The following TRPM6 variants were observed in gnomAD, a reference collection of about 807,000 sequenced individuals.
TRPM6 encodes the protein channel kinase 2.
In TRPM6, 111 loss-of-function variants were observed where a neutral mutation model predicts 247.6. The observed-to-expected ratio is 0.45, with a 90% CI of 0.38 to 0.52. The LOEUF is 0.52. TRPM6 is among the 20% of genes least tolerant of loss of function. The probability of loss-of-function intolerance (pLI) is 0.00; values close to 1 mark genes in which losing one functional copy is unlikely to be tolerated. For missense variants in TRPM6, 2,126 were observed against 2,421.5 expected, an observed-to-expected ratio of 0.88 and a Z score of 2.56; for synonymous variants, 892 against 853.8, an observed-to-expected ratio of 1.04 and a Z score of -0.78.
intron 23 of TRPM6, among the ~76,000 whole-genome samples, chr9:74,777,295 G>C (rs907521338): frequency 9.9e-5 from 15 of 151,986 alleles, no homozygotes; most frequent in African/African-American, 3.6e-4. Flanking sequence ...GGGTTGGTTG[G>C]TTGGTTTTTG....
In TRPM6 at chr9:74,782,706, C is replaced by T; in HGVS notation, c.3067G>A (p.Gly1023Arg). 1.2e-6 allele frequency: 2 copies of T among 1,614,162 alleles called. No homozygotes were observed. The highest frequency in any genetic ancestry group is 1.7e-6 in the Non-Finnish European group (2 of 1,180,018). ...TCTATTTCTCCAGCATAGACTTCTC[C>T]GTATATCATCCAGTATGGCTCAAAT... Reference protein sequence around the residue: ...IVFEPYWMIYGEVYAGEIDVC... With the variant: ...IVFEPYWMIYREVYAGEIDVC... The change falls in exon 22 of 39, where the codon GGA (glycine) becomes AGA (arginine). Residue 1023 changes from glycine to arginine, a missense_variant. Gly to Arg is a moderately radical substitution (Grantham distance 125). Coordinates refer to ENST00000360774, the MANE Select transcript of TRPM6 (RefSeq NM_017662.5).
At chr9:74,796,701 A>C (rs1188000980) in intron 18 of TRPM6, 40 bp downstream of exon 18, 1 of 1,605,788 alleles carries the variant, frequency 6.2e-7, no homozygotes, top group Non-Finnish European at 8.5e-7. Context: ...GCGTGCAGTC[A>C]ATACAATGAA....
At chr9:74,769,348 C>T (rs967602279) in intron 25 of TRPM6, among the ~76,000 whole-genome samples, 79 of 152,174 alleles carry the variant, frequency 5.2e-4, no homozygotes, top group African/African-American at 1.8e-3. Flanking sequence ...GGGGTTTTGC[C>T]ATGTTAGCCA....
At chr9:74,812,564 C>CAT in intron 11 of TRPM6, 131 bp from the exon 12 acceptor site, 8 of 723,470 alleles carry the variant, frequency 1.1e-5, no homozygotes, top group Non-Finnish European at 1.7e-5. Context: ...TCAGTGGGTA[C>CAT]AGAAAAAAAA....
chr9:74,863,128 C>T (rs1180060605), intron 1 of TRPM6, among the ~76,000 whole-genome samples: 2 of 151,036 alleles, frequency 1.3e-5, no homozygotes, highest in African/African-American at 2.4e-5. Context: ...CTCACTGCAA[C>T]CTCTGCCTCC....
intron 33 of TRPM6, among the ~76,000 whole-genome samples, chr9:74,742,234 C>T (rs1002053517): frequency 6.6e-5 from 10 of 152,218 alleles, no homozygotes; most frequent in African/African-American, 2.4e-4. Flanking sequence ...ATCGCTTTCT[C>T]CTGTGCTTAT....
intron 25 of TRPM6, among the ~76,000 whole-genome samples, chr9:74,770,923 G>T (rs892414571): frequency 6.6e-6 from 1 of 152,126 alleles, no homozygotes; most frequent in African/African-American, 2.4e-5. Context: ...AAAGCCACCT[G>T]TAATTGCAGT....
intron 19 of TRPM6, among the ~76,000 whole-genome samples, chr9:74,790,810 T>C (rs548284683): frequency 3.9e-4 from 60 of 152,306 alleles, no homozygotes; most frequent in Non-Finnish European, 7.5e-4. Context: ...GATATTCAGA[T>C]TGAGAAAGCA....
At chr9:74,879,551 T>A (rs1831295866) in intron 1 of TRPM6, among the ~76,000 whole-genome samples, 1 of 152,164 alleles carries the variant, frequency 6.6e-6, no homozygotes, top group African/African-American at 2.4e-5. Context: ...AGGATTCTAA[T>A]CTTTCTGCTC....
intron 33 of TRPM6, among the ~76,000 whole-genome samples, chr9:74,740,723 C>T (rs1190907463): frequency 6.6e-6 from 1 of 152,176 alleles, no homozygotes; most frequent in Non-Finnish European, 1.5e-5. Flanking sequence ...ATCACATTAG[C>T]ACTCAAATAG....
intron 1 of TRPM6, among the ~76,000 whole-genome samples, chr9:74,863,486 G>A (rs1306107712): frequency 6.6e-6 from 1 of 152,194 alleles, no homozygotes; most frequent in South Asian, 2.1e-4. Context: ...TGTTCAAACT[G>A]TATTTCCACT....
Position 74,785,358 on chromosome 9 carries a change from C to T in TRPM6, c.2919+516G>A, listed in dbSNP as rs148298632. On this transcript the variant is annotated intron_variant, in intron 21 of 38. Transcript: ENST00000360774. ...TAATTAAATGTACATTTAAAAATAA[C>T]TAAAAGAGTATAAGTGAGTTGTTTG... Among the ~76,000 whole-genome samples, 336 of 152,200 alleles carry T rather than the reference C, an allele frequency of 2.2e-3. 4 individuals are homozygous for T. Among genetic ancestry groups the T allele is most frequent in the African/African-American group, 7.7e-3 (320 of 41,522 alleles).
chr9:74,757,470 G>T (rs1826466882), intron 27 of TRPM6, among the ~76,000 whole-genome samples: 1 of 151,430 alleles, frequency 6.6e-6, no homozygotes, highest in African/African-American at 2.4e-5. Context: ...GGAGCCTGAG[G>T]CAGGAGAATC....
intron 7 of TRPM6, chr9:74,827,301 T>C (rs1023925017): frequency 1.3e-5 from 2 of 156,958 alleles, no homozygotes; most frequent in Non-Finnish European, 2.8e-5. Context: ...CAAACATTTC[T>C]TCCTCTCTCT....
chr9:74,771,069 C>T (rs369183074), intron 25 of TRPM6, among the ~76,000 whole-genome samples: 2 of 152,304 alleles, frequency 1.3e-5, no homozygotes, highest in East Asian at 3.9e-4. Flanking sequence ...TCCTCCTCCC[C>T]TCTGGCTGCT....
intron 5 of TRPM6, 134 bp from the exon 6 acceptor site, chr9:74,834,256 A>G (rs1194131405): frequency 9.5e-7 from 1 of 1,047,196 alleles, no homozygotes; most frequent in Non-Finnish European, 1.4e-6. Flanking sequence ...GTACAGTGGA[A>G]TTAGTTTCTG....
intron 5 of TRPM6, among the ~76,000 whole-genome samples, chr9:74,838,389 T>A (rs1191574422): frequency 6.6e-6 from 1 of 152,254 alleles, no homozygotes; most frequent in Non-Finnish European, 1.5e-5. Context: ...AAAATATGTA[T>A]GATAAAGTGT....
At chr9:74,752,980 G>A (rs1173252323) in intron 28 of TRPM6, among the ~76,000 whole-genome samples, 2 of 152,002 alleles carry the variant, frequency 1.3e-5, no homozygotes, top group Non-Finnish European at 2.9e-5. Flanking sequence ...AGGTGTGGTG[G>A]TGCATACCTG....
At chr9:74,812,529 A>G in intron 11 of TRPM6, 96 bp from the exon 12 acceptor site, 2 of 1,193,568 alleles carry the variant, frequency 1.7e-6, no homozygotes, top group African/African-American at 1.5e-5. Context: ...CACAAACACA[A>G]TAATTTTAAA....
Sources: allele counts gnomAD v4.1 joint callset (sites outside exome capture counted in the v4.1 genomes callset), GRCh38; gene constraint gnomAD v4.1.1; transcripts MANE v1.5; gene names NCBI Gene and HGNC (gene_info 2026-07-23, HGNC 2026-07-21).